SIPA1L1: variants seen among roughly 807,000 people sequenced by gnomAD.
The protein encoded by SIPA1L1 is signal induced proliferation associated 1 like 1, also known as signal-induced proliferation-associated 1-like protein 1.
In SIPA1L1, 26 loss-of-function variants were observed where a neutral mutation model predicts 162.7. The observed-to-expected ratio is 0.16, with a 90% CI of 0.12 to 0.22. The LOEUF (loss-of-function observed/expected upper bound fraction) is 0.22. Ranked by LOEUF, SIPA1L1 falls within the 10% of genes least tolerant of loss-of-function variation. SIPA1L1 has a pLI of 1.00. For synonymous variants in SIPA1L1, 829 were observed against 837.4 expected (o/e 0.99, Z 0.17); for missense variants, 1,874 against 2,241.0 (o/e 0.84, Z 3.31).
Position 71,739,247 on chromosome 14 carries a change from C to T in SIPA1L1, c.*86C>T. On this transcript the variant is annotated 3_prime_UTR_variant, in exon 24 of 24. Coordinates refer to ENST00000381232, the MANE Select transcript of SIPA1L1 (RefSeq NM_001386936.1). The stretch of plus-strand genomic sequence containing the variant: ...CCTTATTCCCTCCATAGAAAGCATC[C>T]TCAGAGCACCTTCCCTGGCTTCCTA... The T allele has an allele frequency of 6.0e-6, 8 of 1,323,656 alleles. No homozygotes were observed. The highest frequency in any genetic ancestry group is 2.4e-5 in the East Asian group (1 of 41,642). 82.0% of individuals were successfully genotyped at this position (1,323,656 alleles called of 1,614,324 possible).
intron 12 of SIPA1L1, among the ~76,000 whole-genome samples, chr14:71,678,352 G>C (rs565118279): frequency 4.0e-4 from 61 of 152,196 alleles, no homozygotes; most frequent in African/African-American, 1.2e-3. Flanking sequence ...TAGCATGAAG[G>C]GCTGTTGAAT....
At chr14:71,344,114 T>C (rs2035922657) in intron 2 of SIPA1L1, among the ~76,000 whole-genome samples, 1 of 152,222 alleles carries the variant, frequency 6.6e-6, no homozygotes, top group South Asian at 2.1e-4. Context: ...AGTGTTTCAT[T>C]TAATGTTCAT....
intron 17 of SIPA1L1, among the ~76,000 whole-genome samples, chr14:71,712,421 G>A (rs755345695): frequency 2.0e-5 from 3 of 151,942 alleles, no homozygotes; most frequent in Non-Finnish European, 2.9e-5. Flanking sequence ...TTGCTCCCTA[G>A]AATATATGTG....
At chr14:71,449,969 T>C (rs921772749) in intron 2 of SIPA1L1, among the ~76,000 whole-genome samples, 2 of 152,214 alleles carry the variant, frequency 1.3e-5, no homozygotes, top group African/African-American at 2.4e-5. Context: ...GAACAGGAAC[T>C]GTCTTTTTCT....
intron 19 of SIPA1L1, among the ~76,000 whole-genome samples, chr14:71,727,991 T>C (rs2084398037): frequency 6.6e-6 from 1 of 152,202 alleles, no homozygotes; most frequent in African/African-American, 2.4e-5. Flanking sequence ...TCAAGGTAGC[T>C]GTTCATGGCC....
chr14:71,716,103 T>G (rs532513769), intron 17 of SIPA1L1, among the ~76,000 whole-genome samples: 1 of 149,366 alleles, frequency 6.7e-6, no homozygotes, highest in African/African-American at 2.5e-5. Flanking sequence ...TGCAGTCACT[T>G]GGATATCTTC....
chr14:71,395,886 A>G (rs1023536548), intron 2 of SIPA1L1, among the ~76,000 whole-genome samples: 4 of 152,210 alleles, frequency 2.6e-5, no homozygotes, highest in Middle Eastern at 3.2e-3. Flanking sequence ...CTTCAAGATT[A>G]AGGAATTAGT....
At chr14:71,627,899 T>C (rs2040192227) in intron 7 of SIPA1L1, among the ~76,000 whole-genome samples, 1 of 152,222 alleles carries the variant, frequency 6.6e-6, no homozygotes, top group Non-Finnish European at 1.5e-5. Context: ...ATTACTTTCT[T>C]TTTAATTTCT....
intron 2 of SIPA1L1, among the ~76,000 whole-genome samples, chr14:71,501,994 T>G (rs1346402180): frequency 6.8e-6 from 1 of 147,264 alleles, no homozygotes; most frequent in East Asian, 2.0e-4. Context: ...TGCTGTGAAC[T>G]GCCAGTACAC....
At chr14:71,373,806 C>G (rs906579374) in intron 2 of SIPA1L1, among the ~76,000 whole-genome samples, 71 of 152,106 alleles carry the variant, frequency 4.7e-4, no homozygotes, top group African/African-American at 1.7e-3. Context: ...TGGCTCATGC[C>G]TGTAATTCTA....
At chr14:71,686,053 G>A (rs1302384901) in intron 13 of SIPA1L1, among the ~76,000 whole-genome samples, 1 of 152,142 alleles carries the variant, frequency 6.6e-6, no homozygotes, top group Non-Finnish European at 1.5e-5. Context: ...CTATGTTTGT[G>A]TCACTTTATT....
chr14:71,413,077 G>A (rs2042519917), intron 2 of SIPA1L1, among the ~76,000 whole-genome samples: 1 of 152,050 alleles, frequency 6.6e-6, no homozygotes, highest in Non-Finnish European at 1.5e-5. Flanking sequence ...TTGTTGGAGG[G>A]GACTGTCCTG....
intron 2 of SIPA1L1, chr14:71,330,209 G>A: frequency 1.6e-6 from 1 of 610,592 alleles, no homozygotes; most frequent in Admixed American, 2.7e-5. Flanking sequence ...AATGAAGTTG[G>A]TTAGCTGTCT....
intron 2 of SIPA1L1, among the ~76,000 whole-genome samples, chr14:71,410,077 T>C (rs1014390892): frequency 3.3e-5 from 5 of 152,234 alleles, no homozygotes; most frequent in African/African-American, 9.6e-5. Flanking sequence ...TCATCTGTTT[T>C]GCCTTTGTGC....
rs146644649 is a variant in SIPA1L1, at chr14:71,622,993, T to C, written c.1630-1055T>C. 3.7e-3 allele frequency among the ~76,000 whole-genome samples: 569 copies of C among 152,348 alleles called. 4 individuals are homozygous for C. The highest frequency in any genetic ancestry group is 0.013 in the African/African-American group (540 of 41,578). The stretch of plus-strand genomic sequence containing the variant: ...TCTCCATACCTTTGCTCATGTTGTC[T>C]CTTGACATTTTCTTTTTGTAGAAAT... On this transcript the variant is annotated intron_variant, in intron 6 of 23. Coordinates refer to ENST00000381232, the MANE Select transcript of SIPA1L1 (RefSeq NM_001386936.1).
chr14:71,474,723 A>G (rs147976825), intron 2 of SIPA1L1, among the ~76,000 whole-genome samples: 13 of 152,268 alleles, frequency 8.5e-5, no homozygotes, highest in African/African-American at 2.6e-4. Context: ...CCCTCCCCTG[A>G]TTGGTATCTT....
At chr14:71,569,247 T>C (rs768473965) in intron 4 of SIPA1L1, among the ~76,000 whole-genome samples, 7 of 152,196 alleles carry the variant, frequency 4.6e-5, no homozygotes, top group Admixed American at 6.5e-5. Flanking sequence ...TTAATTTAAC[T>C]AATTTAGTGA....
chr14:71,630,915 C>T (rs2040502834), intron 7 of SIPA1L1, among the ~76,000 whole-genome samples: 1 of 151,432 alleles, frequency 6.6e-6, no homozygotes, highest in African/African-American at 2.4e-5. Context: ...GGTACATGTG[C>T]ACAACATGAA....
intron 12 of SIPA1L1, among the ~76,000 whole-genome samples, chr14:71,682,737 A>G (rs1401574091): frequency 3.3e-5 from 5 of 152,248 alleles, no homozygotes; most frequent in African/African-American, 1.2e-4. Context: ...GTGTTTGAAG[A>G]AACCCAAAGA....
Sources: gnomAD v4.1 joint callset for allele counts (sites outside exome capture counted in the v4.1 genomes callset) on GRCh38, gnomAD v4.1.1 for gene constraint, MANE v1.5 for transcripts, NCBI Gene and HGNC (gene_info 2026-07-23, HGNC 2026-07-21) for gene names.